The following PLCG2 variants were observed in gnomAD, a reference collection of about 807,000 sequenced individuals.
PLCG2 encodes the protein phospholipase C gamma 2.
Under a neutral mutation model 175.6 loss-of-function variants are expected in PLCG2, and 69 were observed. The observed-to-expected ratio is 0.39, with a 90% confidence interval of 0.32 to 0.48. The LOEUF is 0.48. PLCG2 is among the 20% of genes least tolerant of loss of function. The pLI, the probability that PLCG2 is intolerant of heterozygous loss-of-function variation, is 0.91. For synonymous variants in PLCG2, 827 were observed against 624.0 expected (o/e 1.33, Z -4.85); for missense variants, 1,798 against 1,650.9 (o/e 1.09, Z -1.54).
intron 30 of PLCG2, 79 bp from the exon 31 acceptor site, chr16:81,946,096 C>A: frequency 3.8e-6 from 4 of 1,060,738 alleles, no homozygotes; most frequent in African/African-American, 1.6e-5. Context: ...GGCCTATGAT[C>A]CCGAGGTAGC....
intron 29 of PLCG2, among the ~76,000 whole-genome samples, chr16:81,939,477 G>C (rs1910850205): frequency 6.6e-6 from 1 of 152,220 alleles, no homozygotes; most frequent in Non-Finnish European, 1.5e-5. Context: ...AGAGTGGCAG[G>C]ATTGCTGCTT....
rs550061997 is a variant in PLCG2 at position 81,880,245 on chromosome 16, A to G, written c.649-665A>G. 2.8e-4 allele frequency among the ~76,000 whole-genome samples: 43 copies of G among 152,292 alleles called. No individual in the cohort carries two copies. The South Asian group carries it at 3.1e-3, about 11-fold the overall frequency. The stretch of plus-strand genomic sequence containing the variant: ...AACAGTGAGACCCCATCTCTAAAGA[A>G]ACCTGGCAGTGAGGATATAGAAAAA... On this transcript the variant is annotated intron_variant, in intron 7 of 32. Transcript: ENST00000564138.
At chr16:81,859,025 C>G (rs1279407123) in intron 4 of PLCG2, 91 bp from the exon 5 acceptor site, 6 of 775,134 alleles carry the variant, frequency 7.7e-6, no homozygotes, top group African/African-American at 3.5e-5. Context: ...GTTCCAGTTC[C>G]TTTTGTGCAC....
At chr16:81,948,885 A>T (rs1281042252) in intron 31 of PLCG2, among the ~76,000 whole-genome samples, 1 of 152,216 alleles carries the variant, frequency 6.6e-6, no homozygotes. Context: ...CACACCTGGA[A>T]TAGATGGCTG....
At chr16:81,858,743 G>C (rs1344044351) in intron 4 of PLCG2, among the ~76,000 whole-genome samples, 1 of 152,214 alleles carries the variant, frequency 6.6e-6, no homozygotes, top group East Asian at 1.9e-4. Flanking sequence ...GGTTGATGAA[G>C]ACCTCAAGAC....
intron 1 of PLCG2, among the ~76,000 whole-genome samples, chr16:81,743,772 C>G (rs1374207866): frequency 1.3e-5 from 2 of 152,182 alleles, no homozygotes; most frequent in East Asian, 3.8e-4. Flanking sequence ...AAGACTAAGT[C>G]CCAATGACAT....
chr16:81,771,057 C>CAAAAA (rs762815312), intron 2 of PLCG2, among the ~76,000 whole-genome samples: 1 of 94,572 alleles, frequency 1.1e-5, no homozygotes, highest in African/African-American at 5.0e-5. Flanking sequence ...GACTCCATCT[C>CAAAAA]AAAAAAAAAA....
chr16:81,958,671 T>C lies in PLCG2; in HGVS notation c.*673T>C, dbSNP rs754061588. On this transcript the variant is annotated 3_prime_UTR_variant, in exon 33 of 33. Coordinates refer to ENST00000564138, the MANE Select transcript of PLCG2 (RefSeq NM_002661.5). ...GGGTAGGAATCTTGGGGCCTCTTTGTTTTAAAAAGCCCATCAGAGAGACCA... is the reference window on the plus strand; with the variant it reads ...GGGTAGGAATCTTGGGGCCTCTTTGCTTTAAAAAGCCCATCAGAGAGACCA... 19 of 222,682 alleles carry C rather than the reference T, an allele frequency of 8.5e-5. No individual in the cohort carries two copies. The highest frequency in any genetic ancestry group is 1.5e-4 in the Non-Finnish European group (17 of 111,498). The allele number at this position is 222,682 out of a possible 1,614,324, so 13.8% of individuals were successfully genotyped here.
chr16:81,882,129 C>T (rs938324467), intron 8 of PLCG2, among the ~76,000 whole-genome samples: 1 of 152,204 alleles, frequency 6.6e-6, no homozygotes, highest in Non-Finnish European at 1.5e-5. Context: ...GACCTCTTTT[C>T]CCCAGGCTCC....
chr16:81,946,906 A>C (rs1465674668), intron 31 of PLCG2, among the ~76,000 whole-genome samples: 1 of 18,042 alleles, frequency 5.5e-5, no homozygotes, highest in African/African-American at 1.3e-4. Context: ...TTAGTGAAGC[A>C]GACCCTTTGC....
intron 2 of PLCG2, among the ~76,000 whole-genome samples, chr16:81,771,069 A>ATAAAT (rs1555504901): frequency 4.2e-4 from 61 of 145,220 alleles, no homozygotes; most frequent in African/African-American, 1.1e-3. Context: ...AAAAAAAAAA[A>ATAAAT]AAATAAATAA....
At position 81,757,228 on chromosome 16, in the gene PLCG2, C is replaced by T. The variant is rs375966879; in HGVS notation, c.-48+1262C>T. Among the ~76,000 whole-genome samples the T allele has an allele frequency of 3.3e-5, 5 of 152,252 alleles. No homozygotes were observed. In the South Asian group the frequency reaches 1.0e-3, roughly 32 times the overall value. On this transcript the variant is annotated intron_variant, in intron 2 of 5. Transcript: ENST00000565054. ...TCAATCATCTCTTTATCCAATCATT[C>T]ATCCATTCATCCATCCACCCACCCA...
At chr16:81,954,522 T>G (rs1239339280) in intron 31 of PLCG2, among the ~76,000 whole-genome samples, 2 of 152,162 alleles carry the variant, frequency 1.3e-5, no homozygotes, top group African/African-American at 4.8e-5. Context: ...AGCCATGGTG[T>G]GTGTTGTTGC....
intron 9 of PLCG2, chr16:81,883,696 G>A (rs1908208141): frequency 3.2e-6 from 1 of 313,406 alleles, no homozygotes; most frequent in Non-Finnish European, 6.1e-6. Context: ...CATCTCAGGT[G>A]TCACTGCCTG....
intron 14 of PLCG2, among the ~76,000 whole-genome samples, chr16:81,903,139 C>T (rs1384503767): frequency 1.3e-5 from 2 of 152,190 alleles, no homozygotes; most frequent in African/African-American, 4.8e-5. Flanking sequence ...TTTGGGAGGA[C>T]ACAGACATTC....
At chr16:81,846,227 G>A (rs1212749173) in intron 2 of PLCG2, among the ~76,000 whole-genome samples, 1 of 57,954 alleles carries the variant, frequency 1.7e-5, no homozygotes, top group Non-Finnish European at 5.6e-5. Flanking sequence ...GACTGGCAGG[G>A]AGGACAAGAG....
In PLCG2 at chr16:81,912,790, A is replaced by C. The variant is rs957414667; in HGVS notation, c.2054+74A>C. 37 of 1,481,928 alleles carry C rather than the reference A, an allele frequency of 2.5e-5. No individual in the cohort carries two copies. The African/African-American group carries it at 3.0e-4, about 12-fold the overall frequency. 91.8% of individuals were successfully genotyped at this position (1,481,928 alleles called of 1,614,324 possible). A position where few individuals can be genotyped will look rare whatever the true frequency, so the allele number is the denominator to read the frequency against. Reference sequence around the variant, plus strand: ...GACAGATGCGGAGAGACAAGGGGGAACTTCAGGTGGAGGCTCACCTGCAGT... The same window carrying C: ...GACAGATGCGGAGAGACAAGGGGGACCTTCAGGTGGAGGCTCACCTGCAGT... On this transcript the variant is annotated intron_variant, in intron 19 of 32. Transcript: ENST00000564138.
Position 81,961,981 on chromosome 16 carries a change from A to G in PLCG2, c.*3983A>G. ...GTCACCCCATTGATCGCCAGGGTTG[A>G]TTCGGCTGATCTGGCTGGCTAGGTG... On this transcript the variant is annotated 3_prime_UTR_variant, in exon 33 of 33. Transcript: ENST00000564138. 5.1e-6 allele frequency: 1 copy of G among 196,974 alleles called. No individual in the cohort carries two copies. Among genetic ancestry groups the G allele is most frequent in the East Asian group, 8.1e-5 (1 of 12,344 alleles). The allele number at this position is 196,974 out of a possible 1,614,324, so 12.2% of individuals were successfully genotyped here.
intron 21 of PLCG2, among the ~76,000 whole-genome samples, chr16:81,922,482 C>A (rs763318870): frequency 1.3e-5 from 2 of 152,228 alleles, no homozygotes; most frequent in Admixed American, 1.3e-4. Context: ...AAGCTGTTGT[C>A]AGTTTTATCA....
Sources: allele counts gnomAD v4.1 joint callset (sites outside exome capture counted in the v4.1 genomes callset), GRCh38; gene constraint gnomAD v4.1.1; transcripts MANE v1.5; gene names NCBI Gene and HGNC (gene_info 2026-07-23, HGNC 2026-07-21).